The following TMEM132D variants were observed in gnomAD, a reference collection of about 807,000 sequenced individuals.
The protein encoded by TMEM132D is transmembrane protein 132D.
A neutral mutation model predicts 62.3 loss-of-function variants in TMEM132D; 21 were observed. That is an observed-to-expected ratio of 0.34 (90% CI 0.24 to 0.49). The LOEUF (loss-of-function observed/expected upper bound fraction) is 0.49. TMEM132D is among the 20% of genes least tolerant of loss of function. TMEM132D has a pLI of 0.99. For synonymous variants in TMEM132D, 621 were observed against 575.6 expected (o/e 1.08, Z -1.13); for missense variants, 1,346 against 1,402.8 (o/e 0.96, Z 0.65).
At chr12:129,359,896 C>A (rs183205586) in intron 3 of TMEM132D, among the ~76,000 whole-genome samples, 5 of 151,636 alleles carry the variant, frequency 3.3e-5, no homozygotes, top group Admixed American at 2.6e-4. Context: ...ATTCAGAGAC[C>A]AGGCTTATTT....
intron 3 of TMEM132D, among the ~76,000 whole-genome samples, chr12:129,444,732 C>T (rs189151629): frequency 6.4e-4 from 97 of 152,226 alleles, no homozygotes; most frequent in African/African-American, 2.2e-3. Context: ...ATGAAAAAGG[C>T]CCAACATCAC....
chr12:129,895,180 C>A (rs988505247), intron 1 of TMEM132D, among the ~76,000 whole-genome samples: 15 of 152,200 alleles, frequency 9.9e-5, no homozygotes, highest in East Asian at 1.9e-4. Context: ...ATAGCACCCC[C>A]CAGGTACACG....
At chr12:129,255,596 T>C (rs1178743949) in intron 4 of TMEM132D, among the ~76,000 whole-genome samples, 1 of 152,228 alleles carries the variant, frequency 6.6e-6, no homozygotes, top group Non-Finnish European at 1.5e-5. Flanking sequence ...TTTTGCATGG[T>C]ACATAAAATA....
intron 5 of TMEM132D, among the ~76,000 whole-genome samples, chr12:129,177,822 C>T (rs188865715): frequency 5.3e-4 from 81 of 152,224 alleles, no homozygotes; most frequent in Non-Finnish European, 9.7e-4. Flanking sequence ...TTTGTTACAT[C>T]GGTAAATGTG....
At chr12:129,199,722 T>A (rs189539271) in intron 5 of TMEM132D, among the ~76,000 whole-genome samples, 3 of 152,132 alleles carry the variant, frequency 2.0e-5, no homozygotes, top group African/African-American at 7.2e-5. Context: ...ATGTCTTACA[T>A]GGTGGCAAGC....
chr12:129,884,239 T>C (rs1371842076), intron 1 of TMEM132D, among the ~76,000 whole-genome samples: 4 of 152,236 alleles, frequency 2.6e-5, no homozygotes, highest in African/African-American at 9.6e-5. Flanking sequence ...CAATATCAGT[T>C]ACATAATAGA....
intron 8 of TMEM132D, among the ~76,000 whole-genome samples, chr12:129,078,194 G>T (rs549565251): frequency 6.6e-6 from 1 of 152,256 alleles, no homozygotes; most frequent in East Asian, 1.9e-4. Flanking sequence ...AGCAGGAAGC[G>T]TGTGGAGAGC....
intron 5 of TMEM132D, among the ~76,000 whole-genome samples, chr12:129,187,658 C>G (rs551580978): frequency 6.6e-6 from 1 of 152,218 alleles, no homozygotes; most frequent in African/African-American, 2.4e-5. Context: ...AGCAGGACAT[C>G]CTATTTCTCA....
intron 4 of TMEM132D, among the ~76,000 whole-genome samples, chr12:129,328,826 T>G (rs1277041854): frequency 6.6e-6 from 1 of 152,086 alleles, no homozygotes; most frequent in Non-Finnish European, 1.5e-5. Flanking sequence ...AGCTCATCCA[T>G]CTGGAATCTA....
intron 4 of TMEM132D, among the ~76,000 whole-genome samples, chr12:129,237,965 C>G (rs1406429025): frequency 1.3e-5 from 2 of 152,156 alleles, no homozygotes; most frequent in African/African-American, 2.4e-5. Flanking sequence ...TGAATCAGGT[C>G]AAGGTGATTG....
At chr12:129,683,917 G>C (rs264516) in intron 2 of TMEM132D, among the ~76,000 whole-genome samples, 1 of 151,976 alleles carries the variant, frequency 6.6e-6, no homozygotes, top group Non-Finnish European at 1.5e-5. Context: ...CAGTTGCTTT[G>C]AGTCTTGTTG....
At chr12:129,085,695 T>G (rs575382727) in intron 5 of TMEM132D, 1 of 152,324 alleles carries the variant, frequency 6.6e-6, no homozygotes, top group South Asian at 2.1e-4. Flanking sequence ...TGGGGGAGCC[T>G]GCCTATGTTC....
At chr12:129,206,443 C>CA (rs1371729851) in intron 5 of TMEM132D, among the ~76,000 whole-genome samples, 2 of 152,056 alleles carry the variant, frequency 1.3e-5, no homozygotes, top group African/African-American at 4.8e-5. Flanking sequence ...ATTAGAAAGT[C>CA]AAAAAATAGC....
intron 4 of TMEM132D, among the ~76,000 whole-genome samples, chr12:129,211,411 C>T (rs1237437826): frequency 6.6e-6 from 1 of 152,148 alleles, no homozygotes; most frequent in African/African-American, 2.4e-5. Context: ...CTCAGTAGGG[C>T]TGTATCTATG....
chr12:129,340,859 A>G (rs1481906737), intron 3 of TMEM132D, among the ~76,000 whole-genome samples: 1 of 152,186 alleles, frequency 6.6e-6, no homozygotes, highest in Admixed American at 6.5e-5. Flanking sequence ...GACTATACCA[A>G]CCTTCAGGAA....
intron 5 of TMEM132D, among the ~76,000 whole-genome samples, chr12:129,135,873 T>C (rs980110293): frequency 4.6e-5 from 7 of 152,178 alleles, no homozygotes; most frequent in Non-Finnish European, 1.0e-4. Context: ...GGTGTCTGTC[T>C]CTCTACACAG....
Position 129,505,868 on chromosome 12 carries a change from C to T in TMEM132D, c.1115+25191G>A, listed in dbSNP as rs1566091155. ...CCCGCTTGCTTTTGGTGTCCATTTG[C>T]ATGGAATGTCTTTTTCCACCCCTCT... is the stretch of plus-strand genomic sequence containing the variant. On this transcript the variant is annotated intron_variant, in intron 3 of 8. Transcript: ENST00000422113. Among the ~76,000 whole-genome samples, 4 of 152,170 alleles carry T rather than the reference C, an allele frequency of 2.6e-5. No individual in the cohort carries two copies. In the East Asian group the frequency reaches 7.7e-4, roughly 29 times the overall value.
chr12:129,233,228 G>GT (rs563270295), intron 4 of TMEM132D, among the ~76,000 whole-genome samples: 47 of 152,316 alleles, frequency 3.1e-4, no homozygotes, highest in Non-Finnish European at 5.0e-4. Flanking sequence ...GGGGCCCTGT[G>GT]TGTCTCCAGC....
intron 4 of TMEM132D, among the ~76,000 whole-genome samples, chr12:129,321,181 C>T (rs1333873895): frequency 6.6e-6 from 1 of 152,164 alleles, no homozygotes; most frequent in Non-Finnish European, 1.5e-5. Flanking sequence ...GAAAGCTAGA[C>T]AATTTCCCAG....
Sources: allele counts gnomAD v4.1 joint callset (sites outside exome capture counted in the v4.1 genomes callset), GRCh38; gene constraint gnomAD v4.1.1; transcripts MANE v1.5; gene names NCBI Gene and HGNC (gene_info 2026-07-23, HGNC 2026-07-21).